RGS6: variants seen among roughly 807,000 people sequenced by gnomAD.
RGS6 encodes regulator of G protein signaling 6, also known as regulator of G-protein signaling 6.
RGS6 carries 30 observed loss-of-function variants against 78.5 expected under a neutral mutation model. The ratio of observed to expected loss-of-function variants is 0.38; its 90% CI spans 0.29 to 0.52. The LOEUF is 0.52. Ranked by LOEUF, RGS6 falls within the 20% of genes least tolerant of loss-of-function variation. RGS6 has a pLI of 0.85. For synonymous variants in RGS6, 206 were observed against 206.0 expected (o/e 1.00, Z 0.00); for missense variants, 495 against 609.7 (o/e 0.81, Z 1.98).
At chr14:72,044,767 G>T (rs1380798296) in intron 2 of RGS6, among the ~76,000 whole-genome samples, 1 of 152,162 alleles carries the variant, frequency 6.6e-6, no homozygotes, top group Non-Finnish European at 1.5e-5. Context: ...CAGCTACTTG[G>T]GAGGCTGAGG....
upstream of RGS6, among the ~76,000 whole-genome samples, chr14:71,931,164 T>C (rs1437645510): frequency 1.3e-5 from 2 of 152,170 alleles, no homozygotes; most frequent in East Asian, 3.8e-4. Context: ...ATTTTATATT[T>C]CAGCTTTAAT....
intron 2 of RGS6, among the ~76,000 whole-genome samples, chr14:72,146,538 A>G (rs1232273446): frequency 6.6e-6 from 1 of 152,202 alleles, no homozygotes; most frequent in Non-Finnish European, 1.5e-5. Flanking sequence ...TGTGAAATTA[A>G]ACAATTTATC....
chr14:72,287,080 G>GA (rs578245269), intron 2 of RGS6, among the ~76,000 whole-genome samples: 2 of 152,288 alleles, frequency 1.3e-5, no homozygotes, highest in South Asian at 4.1e-4. Context: ...TACCACACCT[G>GA]ACCAGGATTG....
At chr14:72,368,734 C>G (rs1464117264) in intron 3 of RGS6, among the ~76,000 whole-genome samples, 1 of 152,134 alleles carries the variant, frequency 6.6e-6, no homozygotes, top group East Asian at 1.9e-4. Context: ...CTTTGTTACT[C>G]TTCTTCTGCT....
chr14:71,954,413 A>G (rs563738676), intron 1 of RGS6, among the ~76,000 whole-genome samples: 1 of 151,902 alleles, frequency 6.6e-6, no homozygotes, highest in South Asian at 2.1e-4. Context: ...TTGACTTTCA[A>G]GCTCATGGAG....
chr14:71,874,609 C>T, the RGS6 span, among the ~76,000 whole-genome samples: 1 of 152,198 alleles, frequency 6.6e-6, no homozygotes, highest in African/African-American at 2.4e-5. Context: ...TTGACTTCCT[C>T]TTTTCCTAAA....
intron 2 of RGS6, among the ~76,000 whole-genome samples, chr14:72,231,480 G>A (rs1473017971): frequency 6.7e-6 from 1 of 148,864 alleles, no homozygotes; most frequent in African/African-American, 2.5e-5. Flanking sequence ...GTGGCAAACA[G>A]AACAGACAAA....
At chr14:72,419,099 C>T (rs759741013) in intron 3 of RGS6, among the ~76,000 whole-genome samples, 3 of 152,154 alleles carry the variant, frequency 2.0e-5, no homozygotes, top group Non-Finnish European at 4.4e-5. Flanking sequence ...CATGAATGGG[C>T]ACCAGGATAA....
chr14:72,348,990 C>T (rs2078603310), intron 2 of RGS6, among the ~76,000 whole-genome samples: 1 of 152,054 alleles, frequency 6.6e-6, no homozygotes, highest in Admixed American at 6.5e-5. Context: ...CATGGTGAAA[C>T]CCTGTCTCTA....
intron 3 of RGS6, among the ~76,000 whole-genome samples, chr14:72,453,360 A>G (rs888570049): frequency 4.6e-5 from 7 of 151,956 alleles, no homozygotes; most frequent in Admixed American, 6.6e-5. Flanking sequence ...TCATGCCTGT[A>G]ATCCCAGCAC....
chr14:72,397,761 GCGTTGTTGAATTTT>G (rs2091673815), intron 3 of RGS6, among the ~76,000 whole-genome samples: 3 of 152,296 alleles, frequency 2.0e-5, no homozygotes, highest in Admixed American at 6.5e-5. Context: ...TTAGCATGAA[GCGTTGTTGAATTTT>G]GTCAAAGGCC....
chr14:72,341,009 T>C (rs2076883750), intron 2 of RGS6, among the ~76,000 whole-genome samples: 1 of 152,156 alleles, frequency 6.6e-6, no homozygotes, highest in East Asian at 1.9e-4. Context: ...TTCAGGTTCT[T>C]GCCTCGCAGC....
intron 3 of RGS6, among the ~76,000 whole-genome samples, chr14:72,360,930 G>A (rs761429924): frequency 6.6e-5 from 10 of 152,100 alleles, no homozygotes; most frequent in Non-Finnish European, 8.8e-5. Flanking sequence ...AAGCTCTCAC[G>A]AGGTCTGATG....
At chr14:72,335,966 A>G (rs1181042520) in intron 2 of RGS6, among the ~76,000 whole-genome samples, 1 of 152,116 alleles carries the variant, frequency 6.6e-6, no homozygotes, top group African/African-American at 2.4e-5. Flanking sequence ...CCGGAAGGGA[A>G]CTCGGTATTC....
intron 2 of RGS6, among the ~76,000 whole-genome samples, chr14:72,049,196 GAAAT>G (rs1461831833): frequency 6.6e-6 from 1 of 152,138 alleles, no homozygotes; most frequent in Non-Finnish European, 1.5e-5. Flanking sequence ...TTCATTCTTA[GAAAT>G]AAATAGAATT....
chr14:72,571,021 A>C (rs949076822), downstream of RGS6, among the ~76,000 whole-genome samples: 32 of 152,178 alleles, frequency 2.1e-4, no homozygotes, highest in African/African-American at 7.7e-4. Flanking sequence ...TTCCTCTCCC[A>C]TACCTAAGTT....
At chr14:71,918,041 C>T in the RGS6 span, among the ~76,000 whole-genome samples, 2 of 151,590 alleles carry the variant, frequency 1.3e-5, no homozygotes, top group African/African-American at 2.4e-5. Flanking sequence ...ATTAGCCGGG[C>T]GTGGTGGCGG....
Position 71,948,738 on chromosome 14 carries a change from C to CTTTTTTTTTTTTTTTTTT in RGS6, c.-21+15798_-21+15799insTTTTTTTTTTTTTTTTTT, listed in dbSNP as rs766352167. On this transcript the variant is annotated intron_variant, in intron 1 of 17. Coordinates refer to ENST00000553525, the MANE Select transcript of RGS6 (RefSeq NM_001204424.2). Reference sequence around the variant, plus strand: ...AAGCTGATTTCCTTTCTCTCTCTCTCTCTTTTTTTTTTTTTTTTTTTTTTT... The same window carrying CTTTTTTTTTTTTTTTTTT: ...AAGCTGATTTCCTTTCTCTCTCTCTCTTTTTTTTTTTTTTTTTTTCTTTTTTTTTTTTTTTTTTTTTTT... Among the ~76,000 whole-genome samples the CTTTTTTTTTTTTTTTTTT allele has an allele frequency of 6.6e-5, 5 of 75,214 alleles. No homozygotes were observed. In the East Asian group the frequency reaches 1.4e-3, roughly 21 times the overall value. The allele number at this position is 75,214 out of a possible 152,430, so 49.3% of individuals were successfully genotyped here.
At chr14:72,223,331 C>G (rs528220878) in intron 2 of RGS6, among the ~76,000 whole-genome samples, 1 of 152,192 alleles carries the variant, frequency 6.6e-6, no homozygotes, top group Non-Finnish European at 1.5e-5. Context: ...AACCAAATGG[C>G]GACGTAGCAT....
Sources: gnomAD v4.1 joint callset for allele counts (sites outside exome capture counted in the v4.1 genomes callset) on GRCh38, gnomAD v4.1.1 for gene constraint, MANE v1.5 for transcripts, NCBI Gene and HGNC (gene_info 2026-07-23, HGNC 2026-07-21) for gene names.